Variants in ADGRB3 observed in about 807,000 individuals in gnomAD.
ADGRB3 encodes brain-specific angiogenesis inhibitor 3.
In ADGRB3, 37 loss-of-function variants were observed where a neutral mutation model predicts 193.4. The ratio of observed to expected loss-of-function variants is 0.19; its 90% confidence interval spans 0.15 to 0.25. The LOEUF (loss-of-function observed/expected upper bound fraction) is 0.25, where lower values mean the gene tolerates loss of function less well. ADGRB3 is among the 10% of genes least tolerant of loss of function. The pLI, the probability that ADGRB3 is intolerant of heterozygous loss-of-function variation, is 1.00. For synonymous variants in ADGRB3, 690 were observed against 644.2 expected (o/e 1.07, Z -1.08); for missense variants, 1,637 against 1,852.9 (o/e 0.88, Z 2.14).
In ADGRB3 at chr6:69,048,817, C is replaced by T. The variant is rs142105705; in HGVS notation, c.2258-454C>T. On this transcript the variant is annotated intron_variant, in intron 14 of 31. Coordinates refer to ENST00000370598, the MANE Select transcript of ADGRB3 (RefSeq NM_001704.3). The stretch of plus-strand genomic sequence containing the variant: ...ACACAAGTTTACCTGTGTAACAAAC[C>T]GGCACATGTACTCCTGAACTTAAAG... 5.8e-3 allele frequency among the ~76,000 whole-genome samples: 879 copies of T among 152,018 alleles called. 8 individuals are homozygous for T. The highest frequency in any genetic ancestry group is 0.02 in the African/African-American group (814 of 41,474).
chr6:69,096,580 A>C (rs2150319545), intron 17 of ADGRB3, among the ~76,000 whole-genome samples: 1 of 152,244 alleles, frequency 6.6e-6, no homozygotes, highest in African/African-American at 2.4e-5. Context: ...TTAACTTAAA[A>C]GTGGGTGTTT....
chr6:68,749,634 A>G (rs1337645619), intron 3 of ADGRB3, among the ~76,000 whole-genome samples: 1 of 152,134 alleles, frequency 6.6e-6, no homozygotes, highest in East Asian at 1.9e-4. Flanking sequence ...AATAGTTATT[A>G]AATTTCATAA....
At chr6:69,073,348 G>A (rs1227584397) in intron 16 of ADGRB3, among the ~76,000 whole-genome samples, 1 of 152,146 alleles carries the variant, frequency 6.6e-6, no homozygotes, top group African/African-American at 2.4e-5. Context: ...CCCAGCAAGG[G>A]AGTCTCCTGA....
At chr6:69,118,166 T>C (rs1773585867) in intron 17 of ADGRB3, among the ~76,000 whole-genome samples, 1 of 151,956 alleles carries the variant, frequency 6.6e-6, no homozygotes, top group Non-Finnish European at 1.5e-5. Flanking sequence ...GAAAATGAGG[T>C]GGTTGAACTA....
Position 69,049,155 on chromosome 6 carries a change from G to A in ADGRB3, c.2258-116G>A, listed in dbSNP as rs1039294298. 4 of 715,308 alleles carry A rather than the reference G, an allele frequency of 5.6e-6. No homozygotes were observed. The Admixed American group carries it at 9.1e-5, about 16-fold the overall frequency. The allele number at this position is 715,308 out of a possible 1,614,324, so 44.3% of individuals were successfully genotyped here. ...GTTAGGAATGCATTTCTTTTTACCA[G>A]GCTTTATCTTTGCCTAAGGAAGTAC... On this transcript the variant is annotated intron_variant, in intron 14 of 31. Coordinates refer to ENST00000370598, the MANE Select transcript of ADGRB3 (RefSeq NM_001704.3).
chr6:68,656,646 G>T (rs1194152617), intron 3 of ADGRB3, among the ~76,000 whole-genome samples: 2 of 151,376 alleles, frequency 1.3e-5, no homozygotes, highest in African/African-American at 4.8e-5. Flanking sequence ...GATTTGCTGG[G>T]TTTGACATTT....
At chr6:69,012,949 G>A (rs1769979964) in intron 11 of ADGRB3, among the ~76,000 whole-genome samples, 1 of 152,012 alleles carries the variant, frequency 6.6e-6, no homozygotes, top group Non-Finnish European at 1.5e-5. Context: ...ATGAAGTAGT[G>A]CTACTGCTGA....
intron 20 of ADGRB3, among the ~76,000 whole-genome samples, chr6:69,313,764 C>G (rs1768249429): frequency 6.6e-6 from 1 of 151,646 alleles, no homozygotes; most frequent in South Asian, 2.1e-4. Context: ...TTTAAATTGA[C>G]AGATAAAATT....
At chr6:68,783,464 C>A (rs1471173937) in intron 3 of ADGRB3, among the ~76,000 whole-genome samples, 1 of 151,490 alleles carries the variant, frequency 6.6e-6, no homozygotes, top group East Asian at 1.9e-4. Flanking sequence ...GACAACACTA[C>A]CCTCAAGTTG....
intron 3 of ADGRB3, among the ~76,000 whole-genome samples, chr6:68,714,229 T>C (rs1056408132): frequency 4.0e-5 from 6 of 151,882 alleles, no homozygotes; most frequent in African/African-American, 1.4e-4. Context: ...AAGAAATCAC[T>C]ACTTATATAT....
At chr6:69,224,158 T>C (rs1765958450) in intron 17 of ADGRB3, among the ~76,000 whole-genome samples, 1 of 152,126 alleles carries the variant, frequency 6.6e-6, no homozygotes, top group African/African-American at 2.4e-5. Flanking sequence ...TGTATCATAT[T>C]TGAGATTAAT....
intron 15 of ADGRB3, among the ~76,000 whole-genome samples, chr6:69,061,398 A>G (rs1006363493): frequency 2.0e-5 from 3 of 152,046 alleles, no homozygotes; most frequent in Admixed American, 6.6e-5. Flanking sequence ...AAAAAAAGCT[A>G]GGTTCAGCAT....
chr6:69,139,613 C>T (rs1466175128), intron 17 of ADGRB3, among the ~76,000 whole-genome samples: 1 of 152,156 alleles, frequency 6.6e-6, no homozygotes. Context: ...TATTATGTGG[C>T]ATTCACCTCT....
chr6:68,753,480 G>A (rs1174399698), intron 3 of ADGRB3, among the ~76,000 whole-genome samples: 2 of 152,190 alleles, frequency 1.3e-5, no homozygotes, highest in African/African-American at 4.8e-5. Context: ...GAATATTTCT[G>A]AACATAAGGC....
chr6:69,299,157 C>T lies in ADGRB3; in HGVS notation c.2815-25715C>T, dbSNP rs12204465. On this transcript the variant is annotated intron_variant, in intron 20 of 31. Transcript: ENST00000370598. Reference sequence around the variant, plus strand: ...GTAATGTTGGGCAGATTTTCATACGCCTGTTGGCCATTTTTTATGGTTTCT... The same window carrying T: ...GTAATGTTGGGCAGATTTTCATACGTCTGTTGGCCATTTTTTATGGTTTCT... Among the ~76,000 whole-genome samples, 368 of 151,938 alleles carry T rather than the reference C, an allele frequency of 2.4e-3. 2 individuals are homozygous for T. The highest frequency in any genetic ancestry group is 0.013 in the South Asian group (64 of 4,820).
chr6:69,071,362 A>AAG (rs36044923), intron 16 of ADGRB3, among the ~76,000 whole-genome samples: 75,219 of 151,878 alleles, frequency 0.5, 20,723 homozygotes, highest in East Asian at 0.96. Flanking sequence ...AGTTCAACAA[A>AAG]AGAGAACTAT....
chr6:68,681,765 A>G (rs969719149), intron 3 of ADGRB3, among the ~76,000 whole-genome samples: 9 of 152,226 alleles, frequency 5.9e-5, no homozygotes, highest in African/African-American at 1.9e-4. Context: ...AGGTTAGTGT[A>G]CTTTAGAATT....
intron 23 of ADGRB3, chr6:69,331,863 G>T: frequency 1.0e-6 from 1 of 984,658 alleles, no homozygotes; most frequent in African/African-American, 1.7e-5. Context: ...TAGTTTAAAT[G>T]AGAGGTACAT....
intron 20 of ADGRB3, among the ~76,000 whole-genome samples, chr6:69,249,158 A>G (rs1766564634): frequency 6.6e-6 from 1 of 152,028 alleles, no homozygotes; most frequent in Admixed American, 6.6e-5. Flanking sequence ...TTGTATTTTT[A>G]GTAGAGATGG....
Sources: allele counts gnomAD v4.1 joint callset (sites outside exome capture counted in the v4.1 genomes callset), GRCh38; gene constraint gnomAD v4.1.1; transcripts MANE v1.5; gene names NCBI Gene and HGNC (gene_info 2026-07-23, HGNC 2026-07-21).